RUSC2: variants seen among roughly 807,000 people sequenced by gnomAD.
RUSC2 encodes the protein AP-4 complex accessory subunit RUSC2.
In RUSC2, 34 loss-of-function variants were observed where a neutral mutation model predicts 122.2. That is an observed-to-expected ratio of 0.28 (90% CI 0.21 to 0.37). The LOEUF is 0.37. Among genes scored for constraint, RUSC2 ranks in the 10% least tolerant of loss-of-function variants. RUSC2 has a pLI of 1.00. For synonymous variants in RUSC2, 784 were observed against 790.0 expected (o/e 0.99, Z 0.13); for missense variants, 1,747 against 1,952.4 (o/e 0.89, Z 1.98).
intron 1 of RUSC2, among the ~76,000 whole-genome samples, chr9:35,497,710 G>A (rs1245212709): frequency 6.6e-6 from 1 of 152,266 alleles, no homozygotes; most frequent in South Asian, 2.1e-4. Flanking sequence ...CCACTTAACT[G>A]ACCCTCTTGC....
rs1004693771 is a variant in RUSC2 at position 35,557,653 on chromosome 9, G to C, written c.2984-261G>C. ...GGCCTGACCCAGGATTGGAATAAGG[G>C]CTGAGAGGTAAGGACATTGAGAGGC... On this transcript the variant is annotated intron_variant, in intron 5 of 11. Transcript: ENST00000361226. This position sits in a 1 kb window ranked among gnomAD's most constrained non-coding sequence, Gnocchi z 4.6. Among the ~76,000 whole-genome samples the C allele has an allele frequency of 6.6e-6, 1 of 152,206 alleles. No individual in the cohort carries two copies. Among genetic ancestry groups the C allele is most frequent in the African/African-American group, 2.4e-5 (1 of 41,442 alleles).
rs1821978804 is a variant in RUSC2 at position 35,555,040 on chromosome 9, TCTC to T, written c.2015-18_2015-16del. On this transcript the variant is annotated splice_polypyrimidine_tract_variant and intron_variant, in intron 2 of 11. Transcript: ENST00000361226. The surrounding 1 kb of genome is among the most constrained non-coding windows in gnomAD (Gnocchi z 4.6). ...TTTCAGTGTCTGTCTACTGATTTCT[TCTC>T]CATCCCTTTGCTACAGGGGGTGGCA... The T allele has an allele frequency of 1.9e-6, 3 of 1,608,192 alleles. No homozygotes were observed. Among genetic ancestry groups the T allele is most frequent in the Admixed American group, 1.7e-5 (1 of 59,888 alleles).
At chr9:35,541,208 G>A (rs987878312) in intron 1 of RUSC2, among the ~76,000 whole-genome samples, 2 of 151,998 alleles carry the variant, frequency 1.3e-5, no homozygotes, top group Non-Finnish European at 2.9e-5. Flanking sequence ...TGAAAGAGCT[G>A]TCTTCTACTT....
rs1282387531 is a variant in RUSC2 at position 35,547,403 on chromosome 9, C to G, written c.882C>G (p.Thr294=). The G allele has an allele frequency of 6.2e-7, 1 of 1,614,040 alleles. No individual in the cohort carries two copies. Among genetic ancestry groups the G allele is most frequent in the Non-Finnish European group, 8.5e-7 (1 of 1,180,020 alleles). Residue 294 remains threonine (T), a synonymous_variant, in exon 2 of 12, where the codon ACC becomes ACG. Coordinates refer to ENST00000361226, the MANE Select transcript of RUSC2 (RefSeq NM_014806.5). This position sits in a 1 kb window ranked among gnomAD's most constrained non-coding sequence, Gnocchi z 4.6. The part of the protein sequence containing the change: ...FSTLYNKMHG[T]PRANLNSAPQ... ...CCCTCTACAACAAGATGCATGGCAC[C>G]CCCCGTGCCAATCTCAACTCTGCCC...
chr9:35,560,234 G>A lies in RUSC2; in HGVS notation c.3594G>A (p.Leu1198=), dbSNP rs1021916392. 7 of 1,602,478 alleles carry A rather than the reference G, an allele frequency of 4.4e-6. No homozygotes were observed. The Admixed American group carries it at 5.0e-5, about 12-fold the overall frequency. The change falls in exon 10 of 12, where the codon CTG becomes CTA. Residue 1198 remains leucine, a synonymous_variant. Transcript: ENST00000361226. The part of the protein sequence containing the change: ...HKELLRVSQD[L]LLSAHSTLQL... ...AACTGCTGCGGGTGTCCCAGGACCT[G>A]CTGCTGTCTGCCCACTCCACGCTGC...
At chr9:35,504,048 TACAGGCGTGAG>T (rs1820867030) in intron 1 of RUSC2, among the ~76,000 whole-genome samples, 1 of 152,210 alleles carries the variant, frequency 6.6e-6, no homozygotes, top group Admixed American at 6.5e-5. Context: ...GTGTTAGGTT[TACAGGCGTGAG>T]CCACCGCTCC....
At chr9:35,498,715 G>A (rs2132491193) in intron 1 of RUSC2, among the ~76,000 whole-genome samples, 1 of 151,570 alleles carries the variant, frequency 6.6e-6, no homozygotes, top group East Asian at 1.9e-4. Flanking sequence ...AAAAAAATTA[G>A]CCGGGTGTGG....
At chr9:35,495,113 C>CTATAT (rs1170941983) in intron 1 of RUSC2, among the ~76,000 whole-genome samples, 5 of 508 alleles carry the variant, frequency 9.8e-3, no homozygotes, top group African/African-American at 0.024. Flanking sequence ...ATATATTATA[C>CTATAT]ATTATATACA....
intron 1 of RUSC2, among the ~76,000 whole-genome samples, chr9:35,510,351 T>C (rs1219666775): frequency 6.6e-6 from 1 of 152,154 alleles, no homozygotes; most frequent in Admixed American, 6.5e-5. Flanking sequence ...GTCTCTACAA[T>C]AAAAATTTTT....
chr9:35,496,627 T>TA (rs1283549605), intron 1 of RUSC2, among the ~76,000 whole-genome samples: 1 of 152,210 alleles, frequency 6.6e-6, no homozygotes, highest in Admixed American at 6.5e-5. Flanking sequence ...GTTATGAATG[T>TA]AACATGTAAA....
rs979326702 is a variant in RUSC2, at chr9:35,542,871, T to C, written c.-92-3559T>C. On this transcript the variant is annotated intron_variant, in intron 1 of 11. Coordinates refer to ENST00000361226, the MANE Select transcript of RUSC2 (RefSeq NM_014806.5). The stretch of plus-strand genomic sequence containing the variant: ...ACATCAGTTTTTCCATATTAATGCA[T>C]GTATGTCCTGGTAATGGTTTTGTGG... 3.3e-5 allele frequency among the ~76,000 whole-genome samples: 5 copies of C among 152,248 alleles called. No homozygotes were observed. In the East Asian group the frequency reaches 7.7e-4, roughly 23 times the overall value.
chr9:35,561,379 C>T lies in RUSC2; in HGVS notation c.4548C>T (p.Asn1516=), dbSNP rs1822169884. The change falls in exon 12 of 12, where the codon AAC becomes AAT. Residue 1516 remains asparagine (N), a synonymous_variant. Transcript: ENST00000361226. ...TPSPTPGSSQ[N] The stretch of plus-strand genomic sequence containing the variant: ...GTCCAACCCCTGGAAGCAGCCAAAA[C>T]TGAGGCCCTGTGCATGCTGGTGGCC... 1 of 1,609,642 alleles carries T rather than the reference C, an allele frequency of 6.2e-7. No individual in the cohort carries two copies. Among genetic ancestry groups the T allele is most frequent in the East Asian group, 2.2e-5 (1 of 44,882 alleles).
intron 1 of RUSC2, among the ~76,000 whole-genome samples, chr9:35,492,104 G>A (rs970511011): frequency 1.3e-5 from 2 of 152,012 alleles, no homozygotes; most frequent in Non-Finnish European, 2.9e-5. Flanking sequence ...TAGGCTTCCT[G>A]TTAAGACCTC....
At chr9:35,534,211 A>G (rs775439370) in intron 1 of RUSC2, among the ~76,000 whole-genome samples, 1 of 152,124 alleles carries the variant, frequency 6.6e-6, no homozygotes, top group Non-Finnish European at 1.5e-5. Context: ...ATGATTAATG[A>G]TGTTAAGCAT....
chr9:35,550,529 G>GGCAGGAGAATCGCTTGAAC, intron 2 of RUSC2, among the ~76,000 whole-genome samples: 1 of 151,966 alleles, frequency 6.6e-6, no homozygotes, highest in Admixed American at 6.6e-5. Flanking sequence ...GGAAGGCCGA[G>GGCAGGAGAATCGCTTGAAC]GCAGGAGAAT....
At chr9:35,500,349 A>G (rs1820798129) in intron 1 of RUSC2, among the ~76,000 whole-genome samples, 1 of 152,160 alleles carries the variant, frequency 6.6e-6, no homozygotes, top group Non-Finnish European at 1.5e-5. Flanking sequence ...TGCAACCACA[A>G]GAACAGCACA....
chr9:35,496,953 T>A (rs535882414), intron 1 of RUSC2, among the ~76,000 whole-genome samples: 1 of 152,216 alleles, frequency 6.6e-6, no homozygotes, highest in East Asian at 1.9e-4. Flanking sequence ...TGAGCACACC[T>A]GGCATAGCTG....
intron 1 of RUSC2, among the ~76,000 whole-genome samples, chr9:35,494,027 T>A (rs1820621949): frequency 6.6e-6 from 1 of 152,158 alleles, no homozygotes; most frequent in South Asian, 2.1e-4. Context: ...ATTTTATGTT[T>A]ATGTTTATTT....
chr9:35,556,453 A>T lies in RUSC2; in HGVS notation c.2983+5A>T, dbSNP rs1244632294. The T allele has an allele frequency of 6.2e-7, 1 of 1,613,500 alleles. No homozygotes were observed. The highest frequency in any genetic ancestry group is 2.2e-5 in the East Asian group (1 of 44,878). On this transcript the variant is annotated splice_donor_5th_base_variant and intron_variant, in intron 5 of 11. Coordinates refer to ENST00000361226, the MANE Select transcript of RUSC2 (RefSeq NM_014806.5). ...TTGACCTGCTTCAGAAAAAAGGTGC[A>T]TACAACCCCCAGCTCAGGCCAGGGA... is the stretch of plus-strand genomic sequence containing the variant.
Sources: gnomAD v4.1 joint callset for allele counts (sites outside exome capture counted in the v4.1 genomes callset) on GRCh38, gnomAD v4.1.1 for gene constraint, Gnocchi (gnomAD v3.1) non-coding constraint, MANE v1.5 for transcripts, NCBI Gene and HGNC (gene_info 2026-07-23, HGNC 2026-07-21) for gene names.